GRIK2: variants seen among roughly 807,000 people sequenced by gnomAD.
GRIK2 encodes glutamate ionotropic receptor kainate type subunit 2.
GRIK2 carries 32 observed loss-of-function variants against 100.3 expected under a neutral mutation model. The observed-to-expected ratio is 0.32, with a 90% CI of 0.24 to 0.43. The LOEUF (loss-of-function observed/expected upper bound fraction) is 0.43. Among genes scored for constraint, GRIK2 ranks in the 20% least tolerant of loss-of-function variants. The probability of loss-of-function intolerance (pLI) is 1.00; values close to 1 mark genes in which losing one functional copy is unlikely to be tolerated. For synonymous variants in GRIK2, 417 were observed against 389.4 expected (o/e 1.07, Z -0.83); for missense variants, 843 against 1,114.9 (o/e 0.76, Z 3.47).
chr6:101,652,005 T>A (rs1781818844), intron 4 of GRIK2, among the ~76,000 whole-genome samples: 1 of 152,130 alleles, frequency 6.6e-6, no homozygotes, highest in Admixed American at 6.6e-5. Flanking sequence ...AAGCAGAGAA[T>A]AATACTGCTG....
chr6:101,609,160 G>A (rs1175316195), intron 2 of GRIK2, among the ~76,000 whole-genome samples: 2 of 151,342 alleles, frequency 1.3e-5, no homozygotes, highest in African/African-American at 2.4e-5. Flanking sequence ...TCTGCAATTC[G>A]AATTTCCACA....
At chr6:101,881,610 C>A (rs562448657) in intron 11 of GRIK2, among the ~76,000 whole-genome samples, 1 of 150,752 alleles carries the variant, frequency 6.6e-6, no homozygotes, top group Admixed American at 6.6e-5. Flanking sequence ...TTCTAGGGAA[C>A]AAAAGTAACT....
chr6:101,628,830 T>C (rs1202952040), intron 4 of GRIK2, among the ~76,000 whole-genome samples: 2 of 152,150 alleles, frequency 1.3e-5, no homozygotes, highest in East Asian at 3.8e-4. Flanking sequence ...TTGTATTAAT[T>C]ATCATCCTTA....
chr6:101,771,820 G>C (rs1195009017), intron 7 of GRIK2, among the ~76,000 whole-genome samples: 2 of 151,778 alleles, frequency 1.3e-5, no homozygotes, highest in East Asian at 3.9e-4. Flanking sequence ...TGCTGAGAAT[G>C]ATGGTTTCCA....
intron 4 of GRIK2, among the ~76,000 whole-genome samples, chr6:101,652,253 G>C (rs941852077): frequency 4.9e-4 from 75 of 152,198 alleles, no homozygotes; most frequent in African/African-American, 1.8e-3. Context: ...GAAGTAATTA[G>C]GTCATGAAGG....
intron 2 of GRIK2, among the ~76,000 whole-genome samples, chr6:101,592,022 A>G (rs566605367): frequency 6.6e-6 from 1 of 152,056 alleles, no homozygotes; most frequent in Admixed American, 6.6e-5. Context: ...CAATTAGTTC[A>G]TCTGAGATGT....
At chr6:101,447,856 G>A (rs1770464925) in intron 2 of GRIK2, among the ~76,000 whole-genome samples, 2 of 151,624 alleles carry the variant, frequency 1.3e-5, no homozygotes, top group African/African-American at 4.8e-5. Flanking sequence ...TGTAACTTAA[G>A]CCATTCTATA....
At chr6:102,009,807 CAT>C (rs1435391840) in intron 14 of GRIK2, among the ~76,000 whole-genome samples, 1 of 151,996 alleles carries the variant, frequency 6.6e-6, no homozygotes, top group Non-Finnish European at 1.5e-5. Flanking sequence ...GGTAGAAAAT[CAT>C]ATTATTGTGT....
intron 2 of GRIK2, among the ~76,000 whole-genome samples, chr6:101,541,405 C>T (rs1325391337): frequency 1.4e-5 from 2 of 147,482 alleles, no homozygotes; most frequent in South Asian, 2.2e-4. Flanking sequence ...CACACACACA[C>T]ACACACACAC....
intron 9 of GRIK2, among the ~76,000 whole-genome samples, chr6:101,807,847 T>C (rs1368583631): frequency 3.3e-5 from 5 of 152,000 alleles, no homozygotes; most frequent in Non-Finnish European, 7.4e-5. Context: ...TCATCACACA[T>C]GGTTTGGTCA....
chr6:101,815,070 G>C (rs1781553884), intron 9 of GRIK2, among the ~76,000 whole-genome samples: 1 of 152,120 alleles, frequency 6.6e-6, no homozygotes, highest in South Asian at 2.1e-4. Context: ...CGAGTCACCT[G>C]ATGTTAAGTG....
intron 12 of GRIK2, among the ~76,000 whole-genome samples, chr6:101,908,159 A>G (rs1413447835): frequency 6.6e-6 from 1 of 151,510 alleles, no homozygotes; most frequent in Non-Finnish European, 1.5e-5. Context: ...TTTATTTATT[A>G]TATTGTATTT....
chr6:101,572,138 A>G (rs1777568979), intron 2 of GRIK2, among the ~76,000 whole-genome samples: 1 of 152,198 alleles, frequency 6.6e-6, no homozygotes, highest in East Asian at 1.9e-4. Flanking sequence ...ATTTAAAAAA[A>G]GTTGCTTTTT....
intron 12 of GRIK2, among the ~76,000 whole-genome samples, chr6:101,894,680 T>C (rs1787325937): frequency 6.6e-6 from 1 of 151,728 alleles, no homozygotes; most frequent in South Asian, 2.1e-4. Flanking sequence ...AATATATTTT[T>C]CACCTTGCTT....
At chr6:101,398,078 A>G (rs1775087218) in intron 1 of GRIK2, among the ~76,000 whole-genome samples, 1 of 152,104 alleles carries the variant, frequency 6.6e-6, no homozygotes, top group East Asian at 1.9e-4. Flanking sequence ...AAATATTCCT[A>G]CCAGAAAACT....
At chr6:101,901,069 G>A (rs1787816298) in intron 12 of GRIK2, among the ~76,000 whole-genome samples, 1 of 151,884 alleles carries the variant, frequency 6.6e-6, no homozygotes, top group South Asian at 2.1e-4. Context: ...ATTTGCTTTT[G>A]ACCTGTGATT....
rs575889994 is a variant in GRIK2 at position 101,743,705 on chromosome 6, G to T, written c.952-55943G>T. Reference sequence around the variant, plus strand: ...TTCATGATAACAAGTGCCCTATGTAGTATGTCCTATCACTTCCATATTTTT... The same window carrying T: ...TTCATGATAACAAGTGCCCTATGTATTATGTCCTATCACTTCCATATTTTT... On this transcript the variant is annotated intron_variant, in intron 7 of 16. Coordinates refer to ENST00000369134, the MANE Select transcript of GRIK2 (RefSeq NM_021956.5). Among the ~76,000 whole-genome samples, 62 of 152,098 alleles carry T rather than the reference G, an allele frequency of 4.1e-4. 2 individuals are homozygous for T. Among genetic ancestry groups the T allele is most frequent in the Middle Eastern group, 3.4e-3 (1 of 294 alleles).
intron 2 of GRIK2, among the ~76,000 whole-genome samples, chr6:101,400,009 A>C (rs1347961673): frequency 6.6e-6 from 1 of 152,214 alleles, no homozygotes; most frequent in Non-Finnish European, 1.5e-5. Flanking sequence ...TAACACAGGG[A>C]GGCTGCTACT....
At chr6:101,772,388 A>G (rs1778460169) in intron 7 of GRIK2, among the ~76,000 whole-genome samples, 2 of 152,332 alleles carry the variant, frequency 1.3e-5, no homozygotes, top group South Asian at 4.1e-4. Flanking sequence ...TGCTGCAGTA[A>G]GAAGAGATGT....
Sources: gnomAD v4.1 joint callset for allele counts (sites outside exome capture counted in the v4.1 genomes callset) on GRCh38, gnomAD v4.1.1 for gene constraint, MANE v1.5 for transcripts, NCBI Gene and HGNC (gene_info 2026-07-23, HGNC 2026-07-21) for gene names.